Variants in FAM118B observed in about 807,000 individuals in gnomAD.
FAM118B encodes SIR2 antiphage like 1, also known as protein FAM118B.
A neutral mutation model predicts 38.5 loss-of-function variants in FAM118B; 24 were observed. That is an observed-to-expected ratio of 0.62 (90% CI 0.45 to 0.88). FAM118B has a LOEUF of 0.88. FAM118B is among the 40% of genes least tolerant of loss of function. The pLI is 0.00. For missense variants in FAM118B, 334 were observed against 420.0 expected (o/e 0.80, Z 1.79); for synonymous variants, 138 against 156.3 (o/e 0.88, Z 0.87).
In FAM118B at chr11:126,234,988, A is replaced by G. The variant is rs762687327; in HGVS notation, c.-7-7A>G. 6.8e-6 allele frequency: 11 copies of G among 1,608,320 alleles called. No individual in the cohort carries two copies. The highest frequency in any genetic ancestry group is 2.7e-5 in the African/African-American group (2 of 74,758). On this transcript the variant is annotated splice_polypyrimidine_tract_variant and splice_region_variant and intron_variant, in intron 2 of 8. Transcript: ENST00000533050. ...AATTGTGGTTCATGGTGTTTAATCT[A>G]TTTTAGAAACTGGATGGCTTCTACA...
At chr11:126,237,430 T>C (rs1200935719) in intron 3 of FAM118B, among the ~76,000 whole-genome samples, 3 of 144,722 alleles carry the variant, frequency 2.1e-5, no homozygotes, top group African/African-American at 7.5e-5. Context: ...TAAAGACAGG[T>C]TTTCACCATG....
In FAM118B at chr11:126,238,388, CTATGTAGAGT is replaced by C. The variant is rs1445688780; in HGVS notation, c.87-2401_87-2392del. On this transcript the variant is annotated intron_variant, in intron 3 of 8. Transcript: ENST00000533050. ...TACATAAGGGGCTTGGTCCCAGACT[CTATGTAGAGT>C]TAAGGAATTCCCACCTGTCAGAATC... is the stretch of plus-strand genomic sequence containing the variant. 2.0e-5 allele frequency among the ~76,000 whole-genome samples: 3 copies of C among 152,186 alleles called. No individual in the cohort carries two copies. In the East Asian group the frequency reaches 5.8e-4, roughly 29 times the overall value.
At chr11:126,223,308 TCTTTTG>T (rs1950090946) in intron 1 of FAM118B, among the ~76,000 whole-genome samples, 1 of 152,166 alleles carries the variant, frequency 6.6e-6, no homozygotes, top group Non-Finnish European at 1.5e-5. Context: ...TTTTGAAATC[TCTTTTG>T]CTGGGGCCGG....
chr11:126,233,273 C>A (rs1014108351), intron 2 of FAM118B, among the ~76,000 whole-genome samples: 3 of 151,864 alleles, frequency 2.0e-5, no homozygotes, highest in African/African-American at 7.3e-5. Flanking sequence ...GTCAGGAGTT[C>A]GAGACCAGCC....
At chr11:126,246,191 G>T (rs1355730115) in intron 4 of FAM118B, among the ~76,000 whole-genome samples, 1 of 152,126 alleles carries the variant, frequency 6.6e-6, no homozygotes, top group South Asian at 2.1e-4. Flanking sequence ...TGAGATAGAA[G>T]TATTGCGATT....
chr11:126,257,784 G>A (rs922647904), intron 7 of FAM118B, among the ~76,000 whole-genome samples: 2 of 152,014 alleles, frequency 1.3e-5, no homozygotes, highest in Non-Finnish European at 2.9e-5. Flanking sequence ...ATTTGGAAAC[G>A]GATAATGGTG....
chr11:126,259,512 G>A (rs1434671818), intron 7 of FAM118B, among the ~76,000 whole-genome samples: 3 of 137,106 alleles, frequency 2.2e-5, no homozygotes, highest in East Asian at 2.6e-4. Flanking sequence ...TGCAACCCCC[G>A]CCTCCTGGGT....
At chr11:126,241,150 T>G in intron 4 of FAM118B, 106 bp downstream of exon 4, 1 of 1,206,542 alleles carries the variant, frequency 8.3e-7, no homozygotes, top group South Asian at 1.5e-5. Flanking sequence ...GTAACAGGGA[T>G]ATTCATTTAC....
Position 126,262,647 on chromosome 11 carries a change from C to T in FAM118B, c.*514C>T, listed in dbSNP as rs1950725711. On this transcript the variant is annotated 3_prime_UTR_variant, in exon 9 of 9. Coordinates refer to ENST00000533050, the MANE Select transcript of FAM118B (RefSeq NM_024556.4). ...GCTGTATTAAAAGCTTGTTCATTTA[C>T]TTGCCAGGACCCTGGCTCTACTTTT... The T allele has an allele frequency of 6.5e-6, 1 of 153,138 alleles. No homozygotes were observed. Among genetic ancestry groups the T allele is most frequent in the Admixed American group, 6.5e-5 (1 of 15,296 alleles). 9.5% of individuals were successfully genotyped at this position (153,138 alleles called of 1,614,324 possible). A position where few individuals can be genotyped will look rare whatever the true frequency, so the allele number is the denominator to read the frequency against.
intron 4 of FAM118B, among the ~76,000 whole-genome samples, chr11:126,246,134 T>G (rs931111302): frequency 6.6e-6 from 1 of 152,106 alleles, no homozygotes; most frequent in African/African-American, 2.4e-5. Context: ...AATGATATAT[T>G]TAGGGGAAAT....
chr11:126,225,817 T>G (rs970154306), intron 1 of FAM118B, among the ~76,000 whole-genome samples: 1 of 152,036 alleles, frequency 6.6e-6, no homozygotes, highest in Non-Finnish European at 1.5e-5. Context: ...CTGTCTTTAC[T>G]AAAAATACAA....
intron 4 of FAM118B, among the ~76,000 whole-genome samples, chr11:126,247,153 G>A (rs1371401259): frequency 3.9e-5 from 6 of 152,144 alleles, no homozygotes; most frequent in African/African-American, 1.2e-4. Context: ...AGTAGTCGGC[G>A]TGGTGGTGTG....
chr11:126,239,226 G>A (rs1950323040), intron 3 of FAM118B, among the ~76,000 whole-genome samples: 1 of 151,982 alleles, frequency 6.6e-6, no homozygotes. Context: ...GCCTCCTAAA[G>A]TGCTGAGATT....
chr11:126,262,707 G>A lies in FAM118B; in HGVS notation c.*574G>A, dbSNP rs1042990397. 1 of 152,510 alleles carries A rather than the reference G, an allele frequency of 6.6e-6. No homozygotes were observed. Among genetic ancestry groups the A allele is most frequent in the South Asian group, 2.1e-4 (1 of 4,836 alleles). The allele number at this position is 152,510 out of a possible 1,614,324, so 9.4% of individuals were successfully genotyped here. A position where few individuals can be genotyped will look rare whatever the true frequency, so the allele number is the denominator to read the frequency against. On this transcript the variant is annotated 3_prime_UTR_variant, in exon 9 of 9. Transcript: ENST00000533050. Reference sequence around the variant, plus strand: ...GTAAGAAACTCTAACTTGCATCAAGGTACTAATAAGCTTAATTTTAATAAC... The same window carrying A: ...GTAAGAAACTCTAACTTGCATCAAGATACTAATAAGCTTAATTTTAATAAC...
intron 4 of FAM118B, among the ~76,000 whole-genome samples, chr11:126,248,773 CT>C (rs1950456657): frequency 6.6e-6 from 1 of 152,206 alleles, no homozygotes; most frequent in Non-Finnish European, 1.5e-5. Flanking sequence ...TTAATCACGT[CT>C]TACTAGGTCT....
Position 126,232,918 on chromosome 11 carries a change from A to G in FAM118B, c.-7-2077A>G, listed in dbSNP as rs567169276. 5.3e-5 allele frequency among the ~76,000 whole-genome samples: 8 copies of G among 152,258 alleles called. No homozygotes were observed. In the East Asian group the frequency reaches 1.5e-3, roughly 29 times the overall value. ...TTTTAAGGACACTTAAAACCTGGCT[A>G]TTGTTATAAGCAAACTGGGAAGTCG... On this transcript the variant is annotated intron_variant, in intron 2 of 8. Transcript: ENST00000533050.
Position 126,262,522 on chromosome 11 carries a change from A to G in FAM118B, c.*389A>G. 4.4e-6 allele frequency: 1 copy of G among 227,338 alleles called. No individual in the cohort carries two copies. The highest frequency in any genetic ancestry group is 8.5e-6 in the Non-Finnish European group (1 of 117,158). The allele number at this position is 227,338 out of a possible 1,614,324, so 14.1% of individuals were successfully genotyped here. ...GGCTCTTGTTGCAGTTTTGTACTCT[A>G]TACTTGGTTTTTCAATTAAGCTTAA... On this transcript the variant is annotated 3_prime_UTR_variant, in exon 9 of 9. Transcript: ENST00000533050.
At chr11:126,247,866 A>AAT (rs1555054819) in intron 4 of FAM118B, among the ~76,000 whole-genome samples, 90 of 144,934 alleles carry the variant, frequency 6.2e-4, no homozygotes, top group South Asian at 3.7e-3. Flanking sequence ...TCAAAAAAAA[A>AAT]ATATATATAT....
intron 1 of FAM118B, among the ~76,000 whole-genome samples, chr11:126,225,970 G>C (rs1950134765): frequency 6.6e-6 from 1 of 152,208 alleles, no homozygotes; most frequent in Admixed American, 6.5e-5. Context: ...GACAGAGTGA[G>C]ACTCTGTCTC....
Sources: gnomAD v4.1 joint callset for allele counts (sites outside exome capture counted in the v4.1 genomes callset) on GRCh38, gnomAD v4.1.1 for gene constraint, MANE v1.5 for transcripts, NCBI Gene and HGNC (gene_info 2026-07-23, HGNC 2026-07-21) for gene names.